The following CD36 variants were observed in gnomAD, a reference collection of about 807,000 sequenced individuals.
CD36 encodes CD36 molecule (CD36 blood group), also known as platelet glycoprotein 4.
A neutral mutation model predicts 55.2 loss-of-function variants in CD36; 119 were observed. The ratio of observed to expected loss-of-function variants is 2.15; its 90% confidence interval spans 1.86 to 2.51. The LOEUF is 2.51. Ranked by LOEUF, CD36 falls within the 30% of genes most tolerant of loss-of-function variation. CD36 has a pLI of 0.00. For synonymous variants in CD36, 186 were observed against 193.6 expected (o/e 0.96, Z 0.33); for missense variants, 819 against 555.5 (o/e 1.47, Z -4.77).
chr7:80,623,767 G>C (rs1030192350), intron 1 of CD36: 4 of 152,156 alleles, frequency 2.6e-5, no homozygotes, highest in Non-Finnish European at 5.9e-5. Flanking sequence ...GGACTGTAAA[G>C]TCCTCTAACA....
chr7:80,621,488 G>A (rs371811268), intron 1 of CD36, among the ~76,000 whole-genome samples: 8 of 152,110 alleles, frequency 5.3e-5, no homozygotes, highest in South Asian at 2.1e-4. Context: ...CTGACTCGTG[G>A]TAATAGGTGA....
At chr7:80,659,433 A>G (rs542238110) in intron 4 of CD36, among the ~76,000 whole-genome samples, 5 of 152,290 alleles carry the variant, frequency 3.3e-5, no homozygotes, top group Admixed American at 2.6e-4. Flanking sequence ...TTCCTTCAGA[A>G]TATTCTTAGA....
chr7:80,631,827 A>G (rs1174122926), intron 1 of CD36, among the ~76,000 whole-genome samples: 3 of 151,210 alleles, frequency 2.0e-5, no homozygotes, highest in African/African-American at 7.3e-5. Context: ...ATATATATAC[A>G]TAAATGATAT....
chr7:80,635,028 G>A (rs1179215321), upstream of CD36, among the ~76,000 whole-genome samples: 1 of 151,980 alleles, frequency 6.6e-6, no homozygotes, highest in Non-Finnish European at 1.5e-5. Context: ...GGAAAAAAAG[G>A]TGAAAAGGAT....
intron 5 of CD36, 31 bp from the exon 6 acceptor site, chr7:80,662,959 C>A (rs3211900): frequency 1.9e-6 from 3 of 1,539,988 alleles, no homozygotes; most frequent in Non-Finnish European, 9.0e-7. Flanking sequence ...ATATTGTATT[C>A]TTGTCTTAAA....
intron 1 of CD36, among the ~76,000 whole-genome samples, chr7:80,629,918 A>G (rs530041050): frequency 2.0e-5 from 3 of 149,436 alleles, no homozygotes; most frequent in African/African-American, 7.4e-5. Flanking sequence ...TTTTGGTATC[A>G]TGAAAAAAAG....
chr7:80,607,331 C>T (rs955732218), intron 1 of CD36, among the ~76,000 whole-genome samples: 4 of 152,136 alleles, frequency 2.6e-5, no homozygotes, highest in African/African-American at 4.8e-5. Flanking sequence ...AGCTATGAAG[C>T]TTGCCTTTTC....
intron 3 of CD36, among the ~76,000 whole-genome samples, chr7:80,648,414 C>T (rs1403092431): frequency 6.6e-6 from 1 of 152,070 alleles, no homozygotes; most frequent in East Asian, 1.9e-4. Context: ...AATTATTGGT[C>T]AATAACTGAG....
upstream of CD36, chr7:80,638,493 G>A (rs1794574436): frequency 6.7e-6 from 1 of 150,218 alleles, no homozygotes. Context: ...TCAGTAATGT[G>A]CTGTGTGGGG....
At chr7:80,644,006 A>G (rs1305455871) in intron 1 of CD36, among the ~76,000 whole-genome samples, 1 of 152,214 alleles carries the variant, frequency 6.6e-6, no homozygotes, top group African/African-American at 2.4e-5. Context: ...CACAACATAC[A>G]GAACACCAGC....
chr7:80,618,665 A>G (rs1012526277), intron 1 of CD36, among the ~76,000 whole-genome samples: 1 of 152,170 alleles, frequency 6.6e-6, no homozygotes, highest in Non-Finnish European at 1.5e-5. Context: ...CAGCTACAAT[A>G]TTCCTGTAAG....
chr7:80,614,621 T>C (rs1793047618), intron 1 of CD36, among the ~76,000 whole-genome samples: 1 of 152,102 alleles, frequency 6.6e-6, no homozygotes, highest in Admixed American at 6.6e-5. Flanking sequence ...GCTCCATCTT[T>C]CCCTCAAATT....
chr7:80,656,795 C>T, intron 4 of CD36, 95 bp downstream of exon 4: 1 of 1,132,340 alleles, frequency 8.8e-7, no homozygotes, highest in Non-Finnish European at 1.3e-6. Context: ...TTGAAATGTA[C>T]TTATTATTTT....
chr7:80,621,463 C>T (rs896988326), intron 1 of CD36, among the ~76,000 whole-genome samples: 1 of 152,146 alleles, frequency 6.6e-6, no homozygotes, highest in Admixed American at 6.5e-5. Context: ...TACATGGAAG[C>T]ATTTAACATG....
intron 1 of CD36, among the ~76,000 whole-genome samples, chr7:80,624,522 T>C (rs531745411): frequency 1.3e-5 from 2 of 152,158 alleles, no homozygotes; most frequent in Non-Finnish European, 2.9e-5. Context: ...TGAAATAATC[T>C]AAGTGCTCCA....
chr7:80,633,478 T>G (rs1414170444), intron 1 of CD36: 2 of 152,084 alleles, frequency 1.3e-5, no homozygotes, highest in Non-Finnish European at 2.9e-5. Flanking sequence ...AATTTCACCT[T>G]TAATAATTTT....
At chr7:80,670,752 A>C (rs781618396) in intron 9 of CD36, 23 of 534,786 alleles carry the variant, frequency 4.3e-5, no homozygotes, top group Non-Finnish European at 6.6e-5. Flanking sequence ...GTGAGAAGTA[A>C]CTTGAGTATA....
intron 1 of CD36, among the ~76,000 whole-genome samples, chr7:80,617,705 C>T (rs977218101): frequency 6.7e-5 from 9 of 133,834 alleles, no homozygotes; most frequent in Admixed American, 1.7e-4. Context: ...CCAGTCTGAA[C>T]GACAGAGCGA....
At chr7:80,655,565 G>C (rs1795985307) in intron 3 of CD36, among the ~76,000 whole-genome samples, 1 of 152,128 alleles carries the variant, frequency 6.6e-6, no homozygotes, top group Admixed American at 6.5e-5. Context: ...CAGCTTCCTT[G>C]TCCTGTTTTT....
Sources: gnomAD v4.1 joint callset for allele counts (sites outside exome capture counted in the v4.1 genomes callset) on GRCh38, gnomAD v4.1.1 for gene constraint, MANE v1.5 for transcripts, NCBI Gene and HGNC (gene_info 2026-07-23, HGNC 2026-07-21) for gene names.